The following PAK2 variants were observed in gnomAD, a reference collection of about 807,000 sequenced individuals.
The protein encoded by PAK2 is p21 (RAC1) activated kinase 2.
A neutral mutation model predicts 65.9 loss-of-function variants in PAK2; 21 were observed. That is an observed-to-expected ratio of 0.32 (90% CI 0.23 to 0.46). PAK2 has a LOEUF of 0.46. PAK2 is among the 20% of genes least tolerant of loss of function. PAK2 has a pLI of 1.00. For synonymous variants in PAK2, 204 were observed against 219.7 expected (o/e 0.93, Z 0.63); for missense variants, 324 against 642.6 (o/e 0.50, Z 5.36).
At chr3:196,756,093 G>C (rs909471798) in intron 1 of PAK2, among the ~76,000 whole-genome samples, 1 of 152,180 alleles carries the variant, frequency 6.6e-6, no homozygotes, top group Non-Finnish European at 1.5e-5. Flanking sequence ...TTGCTGACTT[G>C]TTGTCTCCCT....
intron 2 of PAK2, among the ~76,000 whole-genome samples, chr3:196,795,592 G>A (rs1168981226): frequency 3.3e-5 from 5 of 152,100 alleles, no homozygotes; most frequent in Non-Finnish European, 7.4e-5. Context: ...CTTTATTTAA[G>A]TAACAGTGCA....
At chr3:196,767,711 G>T (rs1714218349) in intron 1 of PAK2, among the ~76,000 whole-genome samples, 1 of 152,084 alleles carries the variant, frequency 6.6e-6, no homozygotes, top group Non-Finnish European at 1.5e-5. Flanking sequence ...AGCCAGGATG[G>T]TCTCGATCTC....
intron 1 of PAK2, 94 bp downstream of exon 1, chr3:196,740,251 A>ACGGC (rs959793105): frequency 2.0e-5 from 3 of 151,218 alleles, no homozygotes; most frequent in African/African-American, 7.3e-5. Context: ...GCGGCCCGGG[A>ACGGC]CGGCCGACCT....
At position 196,831,664 on chromosome 3, in the gene PAK2, C is replaced by T. The variant is rs1330989974; in HGVS notation, c.*3259C>T. The T allele has an allele frequency of 6.6e-6, 1 of 152,106 alleles. No homozygotes were observed. Among genetic ancestry groups the T allele is most frequent in the Non-Finnish European group, 1.5e-5 (1 of 68,028 alleles). 9.4% of individuals were successfully genotyped at this position (152,106 alleles called of 1,614,324 possible). On this transcript the variant is annotated 3_prime_UTR_variant, in exon 15 of 15. Transcript: ENST00000327134. ...TCACTTAAATACATGTTTGTATATA[C>T]TGTATTCTAGCCAGAATAATTTTAG...
At chr3:196,746,185 G>C (rs1713372608) in intron 1 of PAK2, among the ~76,000 whole-genome samples, 1 of 151,990 alleles carries the variant, frequency 6.6e-6, no homozygotes. Flanking sequence ...TTAAACAAGA[G>C]ACGTGTCGTT....
At chr3:196,744,500 T>G (rs1713304366) in intron 1 of PAK2, among the ~76,000 whole-genome samples, 1 of 152,202 alleles carries the variant, frequency 6.6e-6, no homozygotes, top group South Asian at 2.1e-4. Flanking sequence ...ATTGCACCAT[T>G]GCATTCCAGC....
intron 4 of PAK2, among the ~76,000 whole-genome samples, chr3:196,803,682 A>G (rs886247523): frequency 1.3e-5 from 2 of 152,218 alleles, no homozygotes; most frequent in Admixed American, 6.5e-5. Context: ...CGTTAGAACT[A>G]AAAGGATTTA....
chr3:196,755,288 G>GTA (rs1276281145), intron 1 of PAK2, among the ~76,000 whole-genome samples: 1 of 151,986 alleles, frequency 6.6e-6, no homozygotes, highest in African/African-American at 2.4e-5. Context: ...TAGGAGAATG[G>GTA]TATCTTGTTC....
chr3:196,825,324 C>T (rs1010756944), intron 13 of PAK2, among the ~76,000 whole-genome samples: 1 of 151,134 alleles, frequency 6.6e-6, no homozygotes, highest in Non-Finnish European at 1.5e-5. Context: ...CCAGCCTGGG[C>T]AACAGAGCGA....
At chr3:196,816,777 G>A (rs1224005805) in intron 11 of PAK2, among the ~76,000 whole-genome samples, 1 of 152,176 alleles carries the variant, frequency 6.6e-6, no homozygotes, top group Non-Finnish European at 1.5e-5. Context: ...ACACAAGAGT[G>A]AGCAGATTTT....
Position 196,828,399 on chromosome 3 carries a change from C to T in PAK2, c.1569C>T (p.Asn523=), listed in dbSNP as rs759995144. The change falls in exon 15 of 15, where the codon AAC becomes AAT. Residue 523 remains asparagine, a synonymous_variant. Coordinates refer to ENST00000327134, the MANE Select transcript of PAK2 (RefSeq NM_002577.4). ...IMAAKEAMKS[N]R The stretch of plus-strand genomic sequence containing the variant: ...CAGCTAAAGAAGCAATGAAGAGTAA[C>T]CGTTAACATCACTGCTGTGGCCTCA... 2.0e-5 allele frequency: 32 copies of T among 1,567,372 alleles called. No homozygotes were observed. The highest frequency in any genetic ancestry group is 2.5e-5 in the Non-Finnish European group (29 of 1,138,656).
chr3:196,832,061 T>G lies in PAK2; in HGVS notation c.*3656T>G, dbSNP rs1371375889. 6.6e-6 allele frequency: 1 copy of G among 152,198 alleles called. No individual in the cohort carries two copies. Among genetic ancestry groups the G allele is most frequent in the Non-Finnish European group, 1.5e-5 (1 of 68,044 alleles). The allele number at this position is 152,198 out of a possible 1,614,324, so 9.4% of individuals were successfully genotyped here. A position where few individuals can be genotyped will look rare whatever the true frequency, so the allele number is the denominator to read the frequency against. On this transcript the variant is annotated 3_prime_UTR_variant, in exon 15 of 15. Coordinates refer to ENST00000327134, the MANE Select transcript of PAK2 (RefSeq NM_002577.4). ...GCAAAGATGCTGTGGTGGATGAGGT[T>G]GGAGTTCGAAAGAAGAAGCAAGCGC... is the stretch of plus-strand genomic sequence containing the variant.
chr3:196,769,538 G>A (rs936346072), intron 1 of PAK2, among the ~76,000 whole-genome samples: 1 of 151,742 alleles, frequency 6.6e-6, no homozygotes, highest in Admixed American at 6.6e-5. Flanking sequence ...CCGGCCAGGC[G>A]TGGTGGCTCA....
chr3:196,756,942 G>T (rs1341822007), intron 1 of PAK2, among the ~76,000 whole-genome samples: 1 of 152,190 alleles, frequency 6.6e-6, no homozygotes, highest in East Asian at 1.9e-4. Context: ...GCTGCATAAA[G>T]GGTGCTCCTC....
At chr3:196,742,653 G>A (rs1713239639) in intron 1 of PAK2, among the ~76,000 whole-genome samples, 1 of 152,056 alleles carries the variant, frequency 6.6e-6, no homozygotes, top group South Asian at 2.1e-4. Flanking sequence ...GGTGGCTCAC[G>A]CCTGTAATCC....
chr3:196,742,731 A>T lies in PAK2; in HGVS notation c.-22+2574A>T, dbSNP rs9868871. Among the ~76,000 whole-genome samples the T allele has an allele frequency of 3.3e-5, 5 of 151,778 alleles. No homozygotes were observed. In the South Asian group the frequency reaches 8.3e-4, roughly 25 times the overall value. On this transcript the variant is annotated intron_variant, in intron 1 of 14. Coordinates refer to ENST00000327134, the MANE Select transcript of PAK2 (RefSeq NM_002577.4). ...AGATCAAGACCATCCTGGCTAACAC[A>T]GTGAAACCCCGTCTCTACTAAAAAT...
rs970893015 is a variant in PAK2, at chr3:196,808,026, A to T, written c.709+112A>T. 5.8e-6 allele frequency: 6 copies of T among 1,039,738 alleles called. No individual in the cohort carries two copies. In the East Asian group the frequency reaches 1.6e-4, roughly 27 times the overall value. 64.4% of individuals were successfully genotyped at this position (1,039,738 alleles called of 1,614,324 possible). On this transcript the variant is annotated intron_variant, in intron 7 of 14. Transcript: ENST00000327134. ...ATTGTGACTTAAAGTATAAAGAATA[A>T]ATTGTTTCCTTATAGCAACAGTAGC...
chr3:196,817,977 C>A, intron 11 of PAK2, 80 bp from the exon 12 acceptor site: 1 of 603,958 alleles, frequency 1.7e-6, no homozygotes, highest in Non-Finnish European at 3.1e-6. Context: ...GGAAGCAATG[C>A]TCAGGCCATA....
intron 1 of PAK2, among the ~76,000 whole-genome samples, chr3:196,743,942 G>A (rs1040653619): frequency 4.6e-5 from 7 of 151,986 alleles, no homozygotes; most frequent in African/African-American, 9.7e-5. Flanking sequence ...TTCTGAGACC[G>A]TAACTAAAAA....
Sources: gnomAD v4.1 joint callset for allele counts (sites outside exome capture counted in the v4.1 genomes callset) on GRCh38, gnomAD v4.1.1 for gene constraint, MANE v1.5 for transcripts, NCBI Gene and HGNC (gene_info 2026-07-23, HGNC 2026-07-21) for gene names.